RANGAP1: variants seen among roughly 807,000 people sequenced by gnomAD.
The protein encoded by RANGAP1 is Ran GTPase activating protein 1.
In RANGAP1, 38 loss-of-function variants were observed where a neutral mutation model predicts 63.5. That is an observed-to-expected ratio of 0.60 (90% CI 0.46 to 0.78). The LOEUF is 0.78. Ranked by LOEUF, RANGAP1 falls within the 30% of genes least tolerant of loss-of-function variation. RANGAP1 has a pLI of 0.00. For synonymous variants in RANGAP1, 329 were observed against 310.5 expected, an observed-to-expected ratio of 1.06 and a Z score of -0.63; for missense variants, 630 against 740.3, an observed-to-expected ratio of 0.85 and a Z score of 1.73.
At chr22:41,255,643 G>A (rs941229872) in intron 10 of RANGAP1, among the ~76,000 whole-genome samples, 4 of 147,578 alleles carry the variant, frequency 2.7e-5, no homozygotes, top group East Asian at 4.2e-4. Flanking sequence ...CGCTCAGCCC[G>A]TACGAGCTCC....
At chr22:41,278,384 T>C (rs922351289) in intron 2 of RANGAP1, among the ~76,000 whole-genome samples, 1 of 152,220 alleles carries the variant, frequency 6.6e-6, no homozygotes, top group African/African-American at 2.4e-5. Flanking sequence ...AGCTGTGCCC[T>C]TAGGCATGTC....
the RANGAP1 span, among the ~76,000 whole-genome samples, chr22:41,299,646 G>A: frequency 2.0e-5 from 3 of 152,146 alleles, no homozygotes; most frequent in African/African-American, 7.2e-5. Context: ...GGCTGTTACT[G>A]CTATTTCAGC....
chr22:41,281,129 C>T, intron 1 of RANGAP1, 47 bp from the exon 2 acceptor site: 1 of 1,487,278 alleles, frequency 6.7e-7, no homozygotes, highest in Non-Finnish European at 8.9e-7. Context: ...TCCTGGGGCC[C>T]CTGGTTGGGG....
chr22:41,252,517 G>T (rs1333457102), intron 12 of RANGAP1, among the ~76,000 whole-genome samples: 1 of 152,082 alleles, frequency 6.6e-6, no homozygotes, highest in Non-Finnish European at 1.5e-5. Flanking sequence ...CACTTCCAAA[G>T]GAGCCCTGGG....
chr22:41,271,651 G>A (rs945400285), intron 3 of RANGAP1, among the ~76,000 whole-genome samples: 3 of 150,042 alleles, frequency 2.0e-5, no homozygotes, highest in South Asian at 2.1e-4. Flanking sequence ...CTGAGATCAC[G>A]CCACTGCACT....
At chr22:41,265,089 A>T (rs182882394) in intron 4 of RANGAP1, among the ~76,000 whole-genome samples, 118 of 152,302 alleles carry the variant, frequency 7.7e-4, no homozygotes, top group Non-Finnish European at 2.1e-4. Context: ...TGGCATTTGG[A>T]CTTAGTCTGG....
rs1404279215 is a variant in RANGAP1, at chr22:41,257,451, T to C, written c.774+497A>G. Among the ~76,000 whole-genome samples the C allele has an allele frequency of 6.6e-6, 1 of 152,110 alleles. No homozygotes were observed. Among genetic ancestry groups the C allele is most frequent in the Non-Finnish European group, 1.5e-5 (1 of 68,026 alleles). On this transcript the variant is annotated intron_variant, in intron 7 of 15. Coordinates refer to ENST00000356244, the MANE Select transcript of RANGAP1 (RefSeq NM_002883.4). The surrounding 1 kb of genome is among the most constrained non-coding windows in gnomAD (Gnocchi z 4.0). ...ACAAAGCCAAGCACTAAATGGGGAC[T>C]CAAAAAACAGCTGCTGGGCCAGGCA...
At chr22:41,277,604 G>C (rs1237950064) in intron 2 of RANGAP1, 1 of 823,718 alleles carries the variant, frequency 1.2e-6, no homozygotes, top group Non-Finnish European at 1.6e-6. Flanking sequence ...CTTGAGAAAG[G>C]ACTTATAACC....
intron 10 of RANGAP1, 27 bp from the exon 11 acceptor site, chr22:41,254,521 T>A (rs767003950): frequency 2.7e-5 from 42 of 1,560,982 alleles, no homozygotes; most frequent in Non-Finnish European, 3.3e-5. Context: ...CTGAAGCAGA[T>A]CCTCTCTACC....
At chr22:41,258,893 G>A (rs1298651972) in intron 6 of RANGAP1, among the ~76,000 whole-genome samples, 2 of 152,170 alleles carry the variant, frequency 1.3e-5, no homozygotes, top group Admixed American at 6.6e-5. Context: ...GACCTCAGGC[G>A]ATCCAGCTTC....
At chr22:41,264,889 C>T in intron 4 of RANGAP1, 46 bp from the exon 5 acceptor site, 1 of 1,557,136 alleles carries the variant, frequency 6.4e-7, no homozygotes, top group Non-Finnish European at 8.8e-7. Flanking sequence ...CACCCAGCTT[C>T]TGTGCTGGGT....
intron 10 of RANGAP1, 46 bp downstream of exon 10, chr22:41,255,975 A>C: frequency 6.4e-7 from 1 of 1,553,820 alleles, no homozygotes; most frequent in Non-Finnish European, 8.8e-7. Context: ...AAAGAAAGAA[A>C]GGAATGGCCT....
the RANGAP1 span, among the ~76,000 whole-genome samples, chr22:41,295,808 T>G: frequency 1.4e-5 from 2 of 147,792 alleles, no homozygotes; most frequent in Admixed American, 6.9e-5. Flanking sequence ...GGGAATAACC[T>G]AACAGAGAGG....
chr22:41,274,725 T>C lies in RANGAP1; in HGVS notation c.115A>G (p.Lys39Glu). ...SLKLNTAEDAKDVIKEIEDFD... is the reference protein window; with the variant it reads ...SLKLNTAEDAEDVIKEIEDFD... ...TCTTCAATCTCTTTAATCACATCTTTAGCTGCCAGGGACCAAAGAGCAGAA... is the reference window on the plus strand; with the variant it reads ...TCTTCAATCTCTTTAATCACATCTTCAGCTGCCAGGGACCAAAGAGCAGAA... Residue 39 changes from lysine (K) to glutamate (E), a missense_variant and splice_region_variant, in exon 3 of 16, where the codon AAA becomes GAA. Physicochemically the swap from Lys to Glu is moderately conservative, Grantham distance 56. Transcript: ENST00000356244. 2 of 1,614,022 alleles carry C rather than the reference T, an allele frequency of 1.2e-6. No homozygotes were observed. The highest frequency in any genetic ancestry group is 1.1e-5 in the South Asian group (1 of 91,084).
the RANGAP1 span, among the ~76,000 whole-genome samples, chr22:41,294,194 G>C: frequency 6.6e-6 from 1 of 152,248 alleles, no homozygotes; most frequent in Admixed American, 6.5e-5. Flanking sequence ...TGCGATTGAA[G>C]GCGTGCGCCG....
At chr22:41,282,889 T>C (rs2035568285) in intron 1 of RANGAP1, among the ~76,000 whole-genome samples, 2 of 152,134 alleles carry the variant, frequency 1.3e-5, no homozygotes, top group African/African-American at 2.4e-5. Context: ...GAAGCAGATA[T>C]GAGGGGCAGA....
At chr22:41,284,475 G>A (rs887229934) in intron 1 of RANGAP1, among the ~76,000 whole-genome samples, 1 of 152,002 alleles carries the variant, frequency 6.6e-6, no homozygotes, top group African/African-American at 2.4e-5. Flanking sequence ...GCTGAGGCAG[G>A]AGAATCGCTT....
chr22:41,249,549 G>A (rs1358921152), intron 14 of RANGAP1, 98 bp from the exon 15 acceptor site: 32 of 1,572,956 alleles, frequency 2.0e-5, no homozygotes, highest in East Asian at 2.3e-5. Context: ...GCCCACAACT[G>A]AGTCTAGCCG....
chr22:41,298,015 G>A, the RANGAP1 span, among the ~76,000 whole-genome samples: 31 of 151,980 alleles, frequency 2.0e-4, no homozygotes, highest in Admixed American at 6.6e-5. Context: ...CCGTGACCAC[G>A]CCTGGCTGAT....
Sources: allele counts gnomAD v4.1 joint callset (sites outside exome capture counted in the v4.1 genomes callset), GRCh38; gene constraint gnomAD v4.1.1; non-coding constraint Gnocchi (gnomAD v3.1); transcripts MANE v1.5; gene names NCBI Gene and HGNC (gene_info 2026-07-23, HGNC 2026-07-21).